The following KIRREL1 variants were observed in gnomAD, a reference collection of about 807,000 sequenced individuals.
KIRREL1 encodes the protein kirre like nephrin family adhesion molecule 1.
In KIRREL1, 25 loss-of-function variants were observed where a neutral mutation model predicts 83.3. The ratio of observed to expected loss-of-function variants is 0.30; its 90% CI spans 0.22 to 0.42. The LOEUF (loss-of-function observed/expected upper bound fraction) is 0.42, where lower values mean the gene tolerates loss of function less well. KIRREL1 is among the 10% of genes least tolerant of loss of function. The pLI is 1.00. For missense variants in KIRREL1, 812 were observed against 1,032.3 expected, an observed-to-expected ratio of 0.79 and a Z score of 2.92; for synonymous variants, 388 against 410.4, an observed-to-expected ratio of 0.95 and a Z score of 0.66.
chr1:158,048,771 A>G (rs1211126854), intron 1 of KIRREL1, among the ~76,000 whole-genome samples: 32 of 152,244 alleles, frequency 2.1e-4, no homozygotes. Context: ...CTGCAGCAGG[A>G]GTGAAGTAAA....
rs775972062 is a variant in KIRREL1 at position 158,093,762 on chromosome 1, G to A, written c.1719G>A (p.Ser573=). ...CCCGGGTCATGAAGGCCATCTACTC[G>A]GTGAGGGTCCTGCTCCTCTCTGGCC... is the stretch of plus-strand genomic sequence containing the variant. ...TATRVMKAIY[S]SFKDDVDLKQ... The change falls in exon 13 of 15, where the codon TCG becomes TCA. Residue 573 remains serine, a splice_region_variant and synonymous_variant. Transcript: ENST00000359209. 2.3e-5 allele frequency: 37 copies of A among 1,614,012 alleles called. No individual in the cohort carries two copies. The highest frequency in any genetic ancestry group is 3.3e-5 in the South Asian group (3 of 91,060).
At chr1:158,005,471 A>C (rs778717978) in intron 1 of KIRREL1, among the ~76,000 whole-genome samples, 6 of 151,324 alleles carry the variant, frequency 4.0e-5, no homozygotes, top group Admixed American at 1.3e-4. Context: ...TCAGGCTGCC[A>C]GCTGTGGAGT....
intron 1 of KIRREL1, among the ~76,000 whole-genome samples, chr1:158,068,271 C>T (rs1322577570): frequency 6.6e-6 from 1 of 152,206 alleles, no homozygotes; most frequent in African/African-American, 2.4e-5. Flanking sequence ...TGTCATTTCT[C>T]TCTCTTCGTC....
intron 1 of KIRREL1, among the ~76,000 whole-genome samples, chr1:158,013,379 A>G (rs1261960443): frequency 6.6e-6 from 1 of 151,564 alleles, no homozygotes; most frequent in Non-Finnish European, 1.5e-5. Flanking sequence ...GAAGCATGCC[A>G]TGTTTGTGAT....
At chr1:158,069,740 C>G (rs527650126) in intron 1 of KIRREL1, among the ~76,000 whole-genome samples, 1 of 152,172 alleles carries the variant, frequency 6.6e-6, no homozygotes, top group Non-Finnish European at 1.5e-5. Context: ...TTGCTGTGCT[C>G]TCTGTCCGAT....
rs1486503652 is a variant in KIRREL1, at chr1:158,091,681, C to A, written c.1471+125C>A. The stretch of plus-strand genomic sequence containing the variant: ...GGGCTCTGCTCTGAGGGAGGGGACA[C>A]ACAGAGGGATGTCCTGGCTGAGAGG... On this transcript the variant is annotated intron_variant, in intron 11 of 14. Transcript: ENST00000359209. 19 of 877,552 alleles carry A rather than the reference C, an allele frequency of 2.2e-5. No individual in the cohort carries two copies. In the Admixed American group the frequency reaches 3.8e-4, roughly 17 times the overall value. The allele number at this position is 877,552 out of a possible 1,614,324, so 54.4% of individuals were successfully genotyped here.
At chr1:158,000,072 G>GT (rs1029568950) in intron 1 of KIRREL1, among the ~76,000 whole-genome samples, 2 of 150,738 alleles carry the variant, frequency 1.3e-5, no homozygotes, top group Non-Finnish European at 3.0e-5. Context: ...ATGGGGTGGG[G>GT]GCTGAGGATA....
chr1:157,994,843 G>A (rs1301976270), intron 1 of KIRREL1, among the ~76,000 whole-genome samples: 2 of 151,960 alleles, frequency 1.3e-5, no homozygotes, highest in African/African-American at 4.8e-5. Flanking sequence ...ACAAAGACAC[G>A]GAGACATCTG....
At chr1:158,046,262 A>T (rs1660774109) in intron 1 of KIRREL1, among the ~76,000 whole-genome samples, 1 of 152,178 alleles carries the variant, frequency 6.6e-6, no homozygotes, top group Non-Finnish European at 1.5e-5. Flanking sequence ...TTCCTTATGG[A>T]TTGGACGAAG....
chr1:158,020,597 A>T (rs1475273493), intron 1 of KIRREL1, among the ~76,000 whole-genome samples: 1 of 138,150 alleles, frequency 7.2e-6, no homozygotes, highest in Non-Finnish European at 1.5e-5. Context: ...CCATACAGTA[A>T]ATCAAAAAAA....
intron 1 of KIRREL1, among the ~76,000 whole-genome samples, chr1:158,000,064 G>GC (rs201110334): frequency 9.0e-6 from 1 of 111,208 alleles, no homozygotes; most frequent in Non-Finnish European, 2.1e-5. Context: ...CAGGAAAGAT[G>GC]GGGTGGGGGC....
chr1:158,047,055 C>T (rs1660797233), intron 1 of KIRREL1, among the ~76,000 whole-genome samples: 1 of 152,132 alleles, frequency 6.6e-6, no homozygotes, highest in Non-Finnish European at 1.5e-5. Flanking sequence ...TCATAACTCT[C>T]CTCACGTGCT....
At chr1:158,049,570 A>G (rs1310921875) in intron 1 of KIRREL1, among the ~76,000 whole-genome samples, 5 of 152,236 alleles carry the variant, frequency 3.3e-5, no homozygotes, top group Admixed American at 6.5e-5. Context: ...AAGGTTTTTC[A>G]TAGGGCAATG....
intron 11 of KIRREL1, 83 bp from the exon 12 acceptor site, chr1:158,093,256 T>C: frequency 8.7e-7 from 1 of 1,146,354 alleles, no homozygotes; most frequent in Admixed American, 1.7e-5. Context: ...TCTGTGGCTG[T>C]GGCCTAGCCT....
At chr1:158,037,197 T>C (rs1266350946) in intron 1 of KIRREL1, among the ~76,000 whole-genome samples, 1 of 152,118 alleles carries the variant, frequency 6.6e-6, no homozygotes, top group Non-Finnish European at 1.5e-5. Context: ...TCTGGGCTTG[T>C]TGAAAGGGGT....
At chr1:157,994,401 C>T (rs1457148853) in intron 1 of KIRREL1, among the ~76,000 whole-genome samples, 3 of 16,134 alleles carry the variant, frequency 1.9e-4, no homozygotes, top group African/African-American at 6.6e-4. Flanking sequence ...GGGGAACTCA[C>T]GGGGGCGGGG....
At chr1:158,078,192 T>A in intron 3 of KIRREL1, 52 bp downstream of exon 3, 1 of 1,573,940 alleles carries the variant, frequency 6.4e-7, no homozygotes, top group South Asian at 1.1e-5. Flanking sequence ...CTCTGTATCC[T>A]GGCAGTCTCT....
At chr1:158,009,313 T>C (rs1571532024) in intron 1 of KIRREL1, among the ~76,000 whole-genome samples, 3 of 152,224 alleles carry the variant, frequency 2.0e-5, no homozygotes, top group African/African-American at 7.2e-5. Context: ...TGGATCCTAC[T>C]TCTTTGCCAT....
Position 158,078,012 on chromosome 1 carries a change from T to C in KIRREL1, c.224T>C (p.Val75Ala). 6.2e-7 allele frequency: 1 copy of C among 1,614,176 alleles called. No homozygotes were observed. The highest frequency in any genetic ancestry group is 1.1e-5 in the South Asian group (1 of 91,072). The change falls in exon 3 of 15, where the codon GTG (valine) becomes GCG (alanine). Residue 75 changes from valine (V) to alanine (A), a missense_variant. Physicochemically the swap from Val to Ala is moderately conservative, Grantham distance 64. Around this residue, in one of 3 missense-constraint regions of KIRREL1, gnomAD observed 472 missense variants for 626.8 expected, o/e 0.75. Coordinates refer to ENST00000359209, the MANE Select transcript of KIRREL1 (RefSeq NM_018240.7). Reference protein sequence around the residue: ...GLKAWPRYRVVGSADAGQYNL... With the variant: ...GLKAWPRYRVAGSADAGQYNL... Reference sequence around the variant, plus strand: ...GCAGCCTGGCCACGGTACCGGGTTGTGGGCTCCGCAGACGCTGGGCAGTAC... The same window carrying C: ...GCAGCCTGGCCACGGTACCGGGTTGCGGGCTCCGCAGACGCTGGGCAGTAC...
Sources: allele counts gnomAD v4.1 joint callset (sites outside exome capture counted in the v4.1 genomes callset), GRCh38; gene constraint gnomAD v4.1.1; regional missense constraint gnomAD v4.1.1; transcripts MANE v1.5; gene names NCBI Gene and HGNC (gene_info 2026-07-23, HGNC 2026-07-21).